PPM1E: variants seen among roughly 807,000 people sequenced by gnomAD.
PPM1E encodes protein phosphatase 1E.
PPM1E carries 20 observed loss-of-function variants against 65.9 expected under a neutral mutation model. The observed-to-expected ratio is 0.30, with a 90% CI of 0.21 to 0.44. The LOEUF is 0.44. Among genes scored for constraint, PPM1E ranks in the 20% least tolerant of loss-of-function variants. The pLI is 1.00. For synonymous variants in PPM1E, 352 were observed against 374.9 expected, an observed-to-expected ratio of 0.94 and a Z score of 0.70; for missense variants, 713 against 953.1, an observed-to-expected ratio of 0.75 and a Z score of 3.32.
chr17:58,806,798 C>T (rs560075564), intron 1 of PPM1E, among the ~76,000 whole-genome samples: 1 of 148,628 alleles, frequency 6.7e-6, no homozygotes, highest in South Asian at 2.1e-4. Context: ...CTCCTGGGTT[C>T]AAGCGATTCT....
At chr17:58,970,651 A>T (rs1598695093) in intron 4 of PPM1E, among the ~76,000 whole-genome samples, 2 of 152,228 alleles carry the variant, frequency 1.3e-5, no homozygotes, top group East Asian at 3.9e-4. Context: ...ATTAAGAAAG[A>T]GAATTATTCT....
At position 58,891,345 on chromosome 17, in the gene PPM1E, T is replaced by G. The variant is rs9893701; in HGVS notation, c.465-64304T>G. 1.2e-3 allele frequency among the ~76,000 whole-genome samples: 178 copies of G among 152,118 alleles called. 1 individual carries two copies. Among genetic ancestry groups the G allele is most frequent in the African/African-American group, 4.2e-3 (173 of 41,504 alleles). ...TATTATTATTATTATTATTTTGAGA[T>G]GGAGTCTTGCTCTGTTGCCCAGGCT... is the stretch of plus-strand genomic sequence containing the variant. On this transcript the variant is annotated intron_variant, in intron 1 of 6. Transcript: ENST00000308249.
At chr17:58,837,342 C>T (rs1426519034) in intron 1 of PPM1E, among the ~76,000 whole-genome samples, 2 of 149,592 alleles carry the variant, frequency 1.3e-5, no homozygotes, top group Non-Finnish European at 3.0e-5. Flanking sequence ...TACACACACA[C>T]ACACACACAC....
At chr17:58,964,040 A>G (rs1295081490) in intron 2 of PPM1E, among the ~76,000 whole-genome samples, 4 of 152,248 alleles carry the variant, frequency 2.6e-5, no homozygotes, top group Non-Finnish European at 5.9e-5. Context: ...AAAAGAGGTA[A>G]ACGTAGTCAC....
chr17:58,877,560 A>T (rs1298589055), intron 1 of PPM1E, among the ~76,000 whole-genome samples: 1 of 150,094 alleles, frequency 6.7e-6, no homozygotes, highest in Non-Finnish European at 1.5e-5. Context: ...TTTTTTCCAT[A>T]GAAAGAGTTA....
rs954965534 is a variant in PPM1E at position 58,896,104 on chromosome 17, G to C, written c.465-59545G>C. On this transcript the variant is annotated intron_variant, in intron 1 of 6. Transcript: ENST00000308249. ...CACTCCAGCCTGGGTGACAGAGCAA[G>C]ACTCTGTCTCAAAAAAAAAAGAAAA... 1.6e-4 allele frequency among the ~76,000 whole-genome samples: 21 copies of C among 134,570 alleles called. No individual in the cohort carries two copies. The East Asian group carries it at 4.2e-3, about 27-fold the overall frequency. 88.3% of individuals were successfully genotyped at this position (134,570 alleles called of 152,430 possible).
intron 1 of PPM1E, among the ~76,000 whole-genome samples, chr17:58,765,896 T>C (rs796884769): frequency 0.015 from 2,171 of 144,528 alleles, 33 homozygotes; most frequent in African/African-American, 0.051. Context: ...TTTTTTTTTT[T>C]CCAAGATGGT....
At chr17:58,857,713 C>T (rs1170877490) in intron 1 of PPM1E, among the ~76,000 whole-genome samples, 1 of 152,024 alleles carries the variant, frequency 6.6e-6, no homozygotes, top group African/African-American at 2.4e-5. Flanking sequence ...TCTGGTAAAA[C>T]TTCCTGGAAC....
chr17:58,759,501 C>T (rs2049802591), intron 1 of PPM1E, among the ~76,000 whole-genome samples: 1 of 152,168 alleles, frequency 6.6e-6, no homozygotes. Context: ...TTTAATTTCT[C>T]TATACACTAC....
chr17:58,955,229 G>A (rs1162323584), intron 1 of PPM1E, among the ~76,000 whole-genome samples: 1 of 152,170 alleles, frequency 6.6e-6, no homozygotes, highest in Non-Finnish European at 1.5e-5. Flanking sequence ...GCTGGGCATG[G>A]TGGCACATGC....
intron 1 of PPM1E, among the ~76,000 whole-genome samples, chr17:58,878,915 A>AT (rs1377256992): frequency 6.6e-6 from 1 of 151,994 alleles, no homozygotes; most frequent in African/African-American, 2.4e-5. Context: ...TAAAAAAAAA[A>AT]AAGAAAAAAA....
intron 1 of PPM1E, among the ~76,000 whole-genome samples, chr17:58,948,240 C>T (rs965992189): frequency 3.3e-5 from 5 of 152,056 alleles, no homozygotes; most frequent in Admixed American, 6.6e-5. Flanking sequence ...AAATAGCATG[C>T]GGGACCAGGA....
At chr17:58,812,303 C>CACA (rs1491549355) in intron 1 of PPM1E, among the ~76,000 whole-genome samples, 2 of 49,770 alleles carry the variant, frequency 4.0e-5, no homozygotes, top group Non-Finnish European at 7.3e-5. Flanking sequence ...GACTCTGTTT[C>CACA]AAAAAAAAAA....
intron 1 of PPM1E, among the ~76,000 whole-genome samples, chr17:58,858,604 A>G (rs2050908150): frequency 1.3e-5 from 2 of 152,016 alleles, no homozygotes; most frequent in African/African-American, 2.4e-5. Flanking sequence ...ATATAACATA[A>G]TGTCTTCCAT....
At chr17:58,782,434 G>C (rs957876222) in intron 1 of PPM1E, among the ~76,000 whole-genome samples, 5 of 149,440 alleles carry the variant, frequency 3.3e-5, no homozygotes, top group Non-Finnish European at 7.4e-5. Flanking sequence ...TGGAGTCTTG[G>C]TGTGTCACCC....
chr17:58,911,675 GTCAT>G (rs1053615797), intron 1 of PPM1E, among the ~76,000 whole-genome samples: 27 of 152,112 alleles, frequency 1.8e-4, no homozygotes, highest in African/African-American at 5.8e-4. Context: ...TTAATATAAA[GTCAT>G]TCATTCATTC....
chr17:58,817,566 C>T (rs2050438453), intron 1 of PPM1E, among the ~76,000 whole-genome samples: 1 of 152,040 alleles, frequency 6.6e-6, no homozygotes, highest in Non-Finnish European at 1.5e-5. Context: ...CTTTGACATA[C>T]ATTCACTGAG....
chr17:58,834,074 T>C (rs2050630721), intron 1 of PPM1E, among the ~76,000 whole-genome samples: 1 of 152,142 alleles, frequency 6.6e-6, no homozygotes, highest in Non-Finnish European at 1.5e-5. Flanking sequence ...CTTTCGCCCA[T>C]TTGGAAGTGT....
intron 1 of PPM1E, among the ~76,000 whole-genome samples, chr17:58,805,363 G>A (rs1420436808): frequency 2.6e-5 from 4 of 152,018 alleles, no homozygotes; most frequent in Non-Finnish European, 4.4e-5. Flanking sequence ...TGATTGTCTT[G>A]CCTCAACCTC....
Sources: gnomAD v4.1 joint callset for allele counts (sites outside exome capture counted in the v4.1 genomes callset) on GRCh38, gnomAD v4.1.1 for gene constraint, MANE v1.5 for transcripts, NCBI Gene and HGNC (gene_info 2026-07-23, HGNC 2026-07-21) for gene names.